The following FRMPD4 variants were observed in gnomAD, a reference collection of about 807,000 sequenced individuals.
The protein encoded by FRMPD4 is FERM and PDZ domain containing 4, also known as FERM and PDZ domain-containing protein 4.
Under a neutral mutation model 94.1 loss-of-function variants are expected in FRMPD4, and 22 were observed. The observed-to-expected ratio is 0.23, with a 90% confidence interval of 0.17 to 0.33. The LOEUF (loss-of-function observed/expected upper bound fraction) is 0.33, where lower values mean the gene tolerates loss of function less well. Ranked by LOEUF, FRMPD4 falls within the 10% of genes least tolerant of loss-of-function variation. The pLI is 1.00. For synonymous variants in FRMPD4, 631 were observed against 548.6 expected, an observed-to-expected ratio of 1.15 and a Z score of -2.10; for missense variants, 1,111 against 1,339.9, an observed-to-expected ratio of 0.83 and a Z score of 2.67.
intron 1 of FRMPD4, among the ~76,000 whole-genome samples, chrX:12,487,103 T>C (rs1163494208): frequency 8.9e-6 from 1 of 112,222 alleles, no homozygotes; most frequent in African/African-American, 3.2e-5. Context: ...CTCTTTCACC[T>C]CCAGAGTTTG....
intron 1 of FRMPD4, among the ~76,000 whole-genome samples, chrX:12,234,715 T>G (rs1383785395): frequency 8.9e-6 from 1 of 112,122 alleles, no homozygotes; most frequent in African/African-American, 3.2e-5. Context: ...TATATAACAC[T>G]TTTAGGAGCA....
At position 12,536,350 on chromosome X, in the gene FRMPD4, T is replaced by C. The variant is rs56762072; in HGVS notation, c.158+37554T>C. On this transcript the variant is annotated intron_variant, in intron 2 of 16. Transcript: ENST00000675598. Reference sequence around the variant, plus strand: ...ACGAAAAATTGTGTAACACCTGTTATAAGGAAAAAAAAAAAGTCTACTTGA... The same window carrying C: ...ACGAAAAATTGTGTAACACCTGTTACAAGGAAAAAAAAAAAGTCTACTTGA... Among the ~76,000 whole-genome samples the C allele has an allele frequency of 6.4e-4, 48 of 75,526 alleles. No homozygotes were observed. In the East Asian group the frequency reaches 7.8e-3, roughly 12 times the overall value. The allele number at this position is 75,526 out of a possible 115,157, so 65.6% of individuals were successfully genotyped here.
At chrX:12,587,143 A>C (rs1297026731) in intron 2 of FRMPD4, among the ~76,000 whole-genome samples, 1 of 109,790 alleles carries the variant, frequency 9.1e-6, no homozygotes, top group African/African-American at 3.3e-5. Flanking sequence ...CGCCTATCTA[A>C]TTTTTGTATT....
chrX:12,331,941 TA>T (rs1409664513), intron 1 of FRMPD4, among the ~76,000 whole-genome samples: 6 of 47,782 alleles, frequency 1.3e-4, no homozygotes, highest in Non-Finnish European at 2.0e-4. Flanking sequence ...ATATATAAAT[TA>T]TATATATTTA....
chrX:12,337,992 G>A (rs2055553405), intron 1 of FRMPD4, among the ~76,000 whole-genome samples: 2 of 111,842 alleles, frequency 1.8e-5, no homozygotes, highest in South Asian at 7.5e-4. Flanking sequence ...TCTGGTGAGG[G>A]GTCCCTCTGC....
intron 1 of FRMPD4, among the ~76,000 whole-genome samples, chrX:12,176,701 A>T (rs1250741656): frequency 8.9e-6 from 1 of 112,463 alleles, no homozygotes; most frequent in Non-Finnish European, 1.9e-5. Flanking sequence ...AACTTGAGCA[A>T]AACAACAGTG....
At chrX:12,357,989 C>T (rs755145683) in intron 1 of FRMPD4, among the ~76,000 whole-genome samples, 96 of 112,036 alleles carry the variant, frequency 8.6e-4, no homozygotes, top group Non-Finnish European at 1.3e-3. Context: ...TCATACAAGA[C>T]ATGCTCTTTC....
chrX:12,340,196 A>C (rs999349781), intron 1 of FRMPD4, among the ~76,000 whole-genome samples: 2 of 112,645 alleles, frequency 1.8e-5, no homozygotes, highest in Admixed American at 9.4e-5. Context: ...TGATGGTATC[A>C]TAAAAGTTAA....
intron 3 of FRMPD4, among the ~76,000 whole-genome samples, chrX:12,095,898 C>A (rs1376466451): frequency 8.9e-6 from 1 of 112,266 alleles, no homozygotes; most frequent in African/African-American, 3.2e-5. Flanking sequence ...TTTCCAGACC[C>A]CTCTCCATCC....
intron 3 of FRMPD4, among the ~76,000 whole-genome samples, chrX:12,029,888 T>A (rs929163182): frequency 9.0e-6 from 1 of 111,446 alleles, no homozygotes; most frequent in African/African-American, 3.3e-5. Flanking sequence ...AGGGAGGGGA[T>A]TACATAGGGC....
At chrX:12,506,774 G>C (rs759141934) in intron 2 of FRMPD4, among the ~76,000 whole-genome samples, 1 of 112,402 alleles carries the variant, frequency 8.9e-6, no homozygotes, top group East Asian at 2.8e-4. Context: ...ATTCTAATCA[G>C]AACAGTAGAA....
chrX:11,884,468 A>G (rs1238770511), intron 3 of FRMPD4, among the ~76,000 whole-genome samples: 1 of 111,779 alleles, frequency 8.9e-6, no homozygotes, highest in African/African-American at 3.3e-5. Flanking sequence ...CTGCGCAGAA[A>G]GTCTTCAAAT....
chrX:12,080,380 G>A (rs2055052952), intron 3 of FRMPD4, among the ~76,000 whole-genome samples: 1 of 111,992 alleles, frequency 8.9e-6, no homozygotes, highest in Admixed American at 9.5e-5. Flanking sequence ...TGACAGCCTG[G>A]TGAAAAAGTG....
chrX:12,053,498 A>G (rs2054836967), intron 3 of FRMPD4, among the ~76,000 whole-genome samples: 1 of 110,271 alleles, frequency 9.1e-6, no homozygotes, highest in African/African-American at 3.3e-5. Context: ...AAGGAAAGAA[A>G]GAAAGAAGGA....
chrX:12,141,484 T>G (rs1162462704), intron 1 of FRMPD4, among the ~76,000 whole-genome samples: 1 of 112,240 alleles, frequency 8.9e-6, no homozygotes, highest in Non-Finnish European at 1.9e-5. Flanking sequence ...TTTGACTTTT[T>G]AGAGTGTCTA....
At chrX:11,869,251 G>A (rs1458724850) in intron 2 of FRMPD4, among the ~76,000 whole-genome samples, 1 of 112,127 alleles carries the variant, frequency 8.9e-6, no homozygotes. Flanking sequence ...ATTCCAGATT[G>A]AGTTCATTTC....
chrX:12,678,510 T>C (rs903636185), intron 5 of FRMPD4, among the ~76,000 whole-genome samples: 1 of 112,430 alleles, frequency 8.9e-6, no homozygotes, highest in African/African-American at 3.2e-5. Flanking sequence ...AAGCCAATCT[T>C]ACCTGAGACA....
In FRMPD4 at chrX:11,946,556, T is replaced by C. The variant is rs1017936064; in HGVS notation, c.95+68538T>C. ...AACACCCCTGATGGTGCTTGCTCTGTGTGATGGTTAATTTTATGTGTCAAC... is the reference window on the plus strand; with the variant it reads ...AACACCCCTGATGGTGCTTGCTCTGCGTGATGGTTAATTTTATGTGTCAAC... On this transcript the variant is annotated intron_variant, in intron 3 of 18. Coordinates refer to the FRMPD4 transcript ENST00000640291. Among the ~76,000 whole-genome samples, 15 of 111,631 alleles carry C rather than the reference T, an allele frequency of 1.3e-4. No individual in the cohort carries two copies. The East Asian group carries it at 4.2e-3, about 31-fold the overall frequency.
chrX:12,287,977 G>A (rs2054625730), intron 1 of FRMPD4, among the ~76,000 whole-genome samples: 1 of 111,569 alleles, frequency 9.0e-6, no homozygotes, highest in Admixed American at 9.4e-5. Flanking sequence ...TTCTGTCTCA[G>A]GGGTATAAGG....
Sources: gnomAD v4.1 joint callset for allele counts (sites outside exome capture counted in the v4.1 genomes callset) on GRCh38, gnomAD v4.1.1 for gene constraint, MANE v1.5 for transcripts, NCBI Gene and HGNC (gene_info 2026-07-23, HGNC 2026-07-21) for gene names.